The following UTP20 variants were observed in gnomAD, a reference collection of about 807,000 sequenced individuals.
The protein encoded by UTP20 is small subunit processome component 20 homolog.
In UTP20, 164 loss-of-function variants were observed where a neutral mutation model predicts 329.5. That is an observed-to-expected ratio of 0.50 (90% CI 0.44 to 0.57). UTP20 has a LOEUF of 0.57. Among genes scored for constraint, UTP20 ranks in the 20% least tolerant of loss-of-function variants. The probability of loss-of-function intolerance (pLI) is 0.00; values close to 1 mark genes in which losing one functional copy is unlikely to be tolerated. For synonymous variants in UTP20, 1,151 were observed against 1,159.3 expected, an observed-to-expected ratio of 0.99 and a Z score of 0.14; for missense variants, 3,055 against 3,284.2, an observed-to-expected ratio of 0.93 and a Z score of 1.71.
chr12:101,312,966 C>A (rs1872842813), intron 21 of UTP20, among the ~76,000 whole-genome samples: 1 of 152,146 alleles, frequency 6.6e-6, no homozygotes, highest in South Asian at 2.1e-4. Flanking sequence ...ATTTCTTGCC[C>A]TGTTATTCAT....
rs185542470 is a variant in UTP20 at position 101,298,169 on chromosome 12, G to A, written c.1431-1513G>A. 2.0e-4 allele frequency among the ~76,000 whole-genome samples: 30 copies of A among 152,266 alleles called. 1 individual carries two copies. The highest frequency in any genetic ancestry group is 7.2e-4 in the African/African-American group (30 of 41,556). ...GTTTGACAACTACTTACGGTATCAG[G>A]CACTGGATACTGGGGTGCAACAAAG... On this transcript the variant is annotated intron_variant, in intron 12 of 61. Coordinates refer to ENST00000261637, the MANE Select transcript of UTP20 (RefSeq NM_014503.3).
At chr12:101,322,551 G>A (rs1340325078) in intron 25 of UTP20, among the ~76,000 whole-genome samples, 3 of 152,206 alleles carry the variant, frequency 2.0e-5, no homozygotes, top group Non-Finnish European at 4.4e-5. Context: ...GCTCTGGAAT[G>A]ATGAGAATTG....
At chr12:101,283,188 A>C (rs115337067) in intron 2 of UTP20, among the ~76,000 whole-genome samples, 3 of 152,224 alleles carry the variant, frequency 2.0e-5, no homozygotes, top group African/African-American at 2.4e-5. Context: ...GGTTGAAGGT[A>C]TCAAGAGGCA....
intron 38 of UTP20, among the ~76,000 whole-genome samples, chr12:101,351,563 G>T (rs1173175548): frequency 6.9e-6 from 1 of 145,658 alleles, no homozygotes; most frequent in African/African-American, 2.5e-5. Context: ...AAGTTGCAGG[G>T]TACATGTGCA....
At chr12:101,371,386 G>A (rs1870282563) in intron 51 of UTP20, among the ~76,000 whole-genome samples, 1 of 152,110 alleles carries the variant, frequency 6.6e-6, no homozygotes, top group South Asian at 2.1e-4. Flanking sequence ...TAGCTTTCAA[G>A]GTGAGGGGGC....
chr12:101,334,190 A>C (rs1475008195), intron 28 of UTP20, among the ~76,000 whole-genome samples: 1 of 152,198 alleles, frequency 6.6e-6, no homozygotes, highest in Non-Finnish European at 1.5e-5. Flanking sequence ...CTGAAACCTA[A>C]AATACCATTT....
Position 101,314,739 on chromosome 12 carries a change from C to T in UTP20, c.2552+2463C>T, listed in dbSNP as rs574287302. ...GACAGTTTTTGTAGTAAAAAAGAAACAGACATAGGGATGTAGGTGGAGGGA... is the reference window on the plus strand; with the variant it reads ...GACAGTTTTTGTAGTAAAAAAGAAATAGACATAGGGATGTAGGTGGAGGGA... On this transcript the variant is annotated intron_variant, in intron 21 of 61. Transcript: ENST00000261637. 5.3e-5 allele frequency among the ~76,000 whole-genome samples: 8 copies of T among 151,692 alleles called. No homozygotes were observed. In the East Asian group the frequency reaches 1.6e-3, roughly 30 times the overall value.
chr12:101,355,557 A>G (rs7301220), intron 41 of UTP20, among the ~76,000 whole-genome samples: 29,241 of 152,106 alleles, frequency 0.19, 6,553 homozygotes, highest in African/African-American at 0.52. Flanking sequence ...TTGGCCAACT[A>G]TGGCTCAGGG....
intron 49 of UTP20, 52 bp from the exon 50 acceptor site, chr12:101,370,380 G>T (rs1870243539): frequency 2.5e-6 from 4 of 1,575,224 alleles, no homozygotes; most frequent in Non-Finnish European, 3.5e-6. Context: ...CATTTCACTG[G>T]ATCCCAACTG....
intron 26 of UTP20, among the ~76,000 whole-genome samples, chr12:101,328,229 T>C (rs1868633993): frequency 6.6e-6 from 1 of 152,150 alleles, no homozygotes; most frequent in Non-Finnish European, 1.5e-5. Flanking sequence ...CCAAAAAAAG[T>C]TTCTGTTCAA....
chr12:101,293,113 G>A (rs1036466276), intron 10 of UTP20, 55 bp from the exon 11 acceptor site: 2 of 1,546,408 alleles, frequency 1.3e-6, no homozygotes, highest in Admixed American at 1.7e-5. Context: ...TTGCTGGGGG[G>A]ATGGGGAAAA....
chr12:101,383,370 A>G (rs1565810815), intron 59 of UTP20, 57 bp downstream of exon 59: 2 of 1,544,870 alleles, frequency 1.3e-6, no homozygotes, highest in Non-Finnish European at 1.8e-6. Flanking sequence ...AAAGTATTTT[A>G]ATGATATTAG....
At chr12:101,336,809 T>C (rs894652698) in intron 29 of UTP20, among the ~76,000 whole-genome samples, 1 of 152,250 alleles carries the variant, frequency 6.6e-6, no homozygotes, top group African/African-American at 2.4e-5. Flanking sequence ...TCTGAGTGAT[T>C]GGAATTGCTG....
In UTP20 at chr12:101,383,427, C is replaced by A. The variant is rs537880876; in HGVS notation, c.7929+114C>A. ...AACTTTATCTTTGAACCCCAAACTGCAGCAATAACATCCGTCCCAAAATAG... is the reference window on the plus strand; with the variant it reads ...AACTTTATCTTTGAACCCCAAACTGAAGCAATAACATCCGTCCCAAAATAG... On this transcript the variant is annotated intron_variant, in intron 59 of 61. Transcript: ENST00000261637. 1.2e-4 allele frequency: 177 copies of A among 1,487,494 alleles called. No individual in the cohort carries two copies. In the African/African-American group the frequency reaches 2.0e-3, roughly 17 times the overall value. 92.1% of individuals were successfully genotyped at this position (1,487,494 alleles called of 1,614,324 possible).
intron 27 of UTP20, among the ~76,000 whole-genome samples, chr12:101,332,845 A>T (rs1309037575): frequency 6.6e-6 from 1 of 152,202 alleles, no homozygotes; most frequent in Non-Finnish European, 1.5e-5. Context: ...AATATTAAGT[A>T]TGGAAATAAA....
intron 56 of UTP20, 97 bp from the exon 57 acceptor site, chr12:101,379,274 C>A: frequency 8.6e-7 from 1 of 1,162,264 alleles, no homozygotes; most frequent in Non-Finnish European, 1.2e-6. Flanking sequence ...GTTCCCCACT[C>A]CAAACACATA....
chr12:101,370,911 CT>C, intron 50 of UTP20, 146 bp from the exon 51 acceptor site: 1 of 672,008 alleles, frequency 1.5e-6, no homozygotes, highest in Non-Finnish European at 2.5e-6. Flanking sequence ...GTTGTGTGTT[CT>C]TTGTGCTTAA....
chr12:101,352,308 A>T, intron 39 of UTP20, 114 bp downstream of exon 39: 1 of 1,190,706 alleles, frequency 8.4e-7, no homozygotes, highest in Non-Finnish European at 1.2e-6. Flanking sequence ...ATTGTTGGAC[A>T]TTTGGGTTGG....
chr12:101,353,154 C>A, intron 40 of UTP20, 25 bp downstream of exon 40: 1 of 1,475,240 alleles, frequency 6.8e-7, no homozygotes. Context: ...CTTTCTTAAA[C>A]AAGATTTTCA....
Sources: allele counts gnomAD v4.1 joint callset (sites outside exome capture counted in the v4.1 genomes callset), GRCh38; gene constraint gnomAD v4.1.1; transcripts MANE v1.5; gene names NCBI Gene and HGNC (gene_info 2026-07-23, HGNC 2026-07-21).